Variants in NRG1 observed in about 807,000 individuals in gnomAD.
The protein encoded by NRG1 is pro-neuregulin-1, membrane-bound isoform.
In NRG1, 18 loss-of-function variants were observed where a neutral mutation model predicts 63.8. The observed-to-expected ratio is 0.28, with a 90% CI of 0.19 to 0.42. The LOEUF (loss-of-function observed/expected upper bound fraction) is 0.42. Ranked by LOEUF, NRG1 falls within the 10% of genes least tolerant of loss-of-function variation. The pLI, the probability that NRG1 is intolerant of heterozygous loss-of-function variation, is 1.00. For synonymous variants in NRG1, 302 were observed against 301.3 expected (o/e 1.00, Z -0.02); for missense variants, 762 against 814.7 (o/e 0.94, Z 0.79).
chr8:32,044,394 C>A (rs1307325326), intron 1 of NRG1, among the ~76,000 whole-genome samples: 1 of 151,734 alleles, frequency 6.6e-6, no homozygotes, highest in Non-Finnish European at 1.5e-5. Context: ...ATTGACAGAA[C>A]TAGTAAACAG....
intron 1 of NRG1, among the ~76,000 whole-genome samples, chr8:32,089,109 G>C (rs1324213998): frequency 6.6e-6 from 1 of 152,138 alleles, no homozygotes. Context: ...CATGTGCATG[G>C]ATCCCTGGTG....
intron 1 of NRG1, among the ~76,000 whole-genome samples, chr8:32,108,767 C>T (rs149090378): frequency 3.6e-4 from 54 of 151,950 alleles, no homozygotes; most frequent in Admixed American, 2.1e-3. Flanking sequence ...TCAATAGCCA[C>T]GGAAGGGGAC....
intron 1 of NRG1, among the ~76,000 whole-genome samples, chr8:31,995,831 CCT>C (rs1004335162): frequency 2.0e-5 from 3 of 151,838 alleles, no homozygotes; most frequent in Admixed American, 2.0e-4. Flanking sequence ...CCAAATTCAC[CCT>C]GTCTTTTCAT....
At chr8:31,756,970 A>G (rs1310315825) in intron 1 of NRG1, among the ~76,000 whole-genome samples, 2 of 152,184 alleles carry the variant, frequency 1.3e-5, no homozygotes, top group Non-Finnish European at 2.9e-5. Flanking sequence ...CGTTGAAGAC[A>G]AGGGGCCAGA....
At chr8:32,479,301 C>A (rs993124831) in intron 1 of NRG1, among the ~76,000 whole-genome samples, 5 of 151,904 alleles carry the variant, frequency 3.3e-5, no homozygotes, top group African/African-American at 1.2e-4. Context: ...CATGGTGAAA[C>A]CCCATCTCTA....
chr8:31,845,226 G>A (rs553876469), intron 1 of NRG1, among the ~76,000 whole-genome samples: 1 of 152,174 alleles, frequency 6.6e-6, no homozygotes, highest in East Asian at 1.9e-4. Flanking sequence ...TTTATGGTTA[G>A]ATACACATAT....
chr8:32,489,695 C>A (rs1183135145), intron 1 of NRG1, among the ~76,000 whole-genome samples: 1 of 152,178 alleles, frequency 6.6e-6, no homozygotes, highest in Non-Finnish European at 1.5e-5. Flanking sequence ...CATAATGGCT[C>A]TCCAAATGTC....
intron 1 of NRG1, among the ~76,000 whole-genome samples, chr8:31,798,260 C>T (rs553380405): frequency 1.3e-5 from 2 of 152,148 alleles, no homozygotes; most frequent in South Asian, 2.1e-4. Context: ...GTGATAGATA[C>T]GGTGATTACC....
At chr8:32,495,498 T>C (rs1182116278) in intron 1 of NRG1, among the ~76,000 whole-genome samples, 1 of 152,226 alleles carries the variant, frequency 6.6e-6, no homozygotes, top group Non-Finnish European at 1.5e-5. Context: ...GTTTCACTCT[T>C]GTTGCCCAGG....
intron 1 of NRG1, among the ~76,000 whole-genome samples, chr8:32,322,960 T>TAA (rs1801589446): frequency 6.6e-6 from 1 of 150,632 alleles, no homozygotes; most frequent in African/African-American, 2.4e-5. Context: ...TAAGCAGGAG[T>TAA]AAACACCTGG....
chr8:32,064,377 G>C (rs1296597663), intron 1 of NRG1, among the ~76,000 whole-genome samples: 1 of 152,056 alleles, frequency 6.6e-6, no homozygotes, highest in Non-Finnish European at 1.5e-5. Flanking sequence ...GTTTCATTTG[G>C]CTGTCAAAAC....
At chr8:31,978,974 A>T (rs897354939) in intron 1 of NRG1, among the ~76,000 whole-genome samples, 1 of 152,172 alleles carries the variant, frequency 6.6e-6, no homozygotes, top group Non-Finnish European at 1.5e-5. Context: ...CTTTAAAAAC[A>T]ATAAAACTTT....
intron 1 of NRG1, among the ~76,000 whole-genome samples, chr8:31,707,649 T>A (rs1811279988): frequency 1.3e-5 from 2 of 152,270 alleles, no homozygotes; most frequent in East Asian, 3.9e-4. Flanking sequence ...TCCCTTTGTT[T>A]CCTCTAATGG....
chr8:31,863,973 C>T (rs1028720657), intron 1 of NRG1, among the ~76,000 whole-genome samples: 9 of 152,080 alleles, frequency 5.9e-5, no homozygotes, highest in African/African-American at 2.2e-4. Flanking sequence ...GTTGTATTTC[C>T]AATTTTCAAC....
At chr8:31,822,748 T>G (rs1824123773) in intron 1 of NRG1, among the ~76,000 whole-genome samples, 1 of 152,326 alleles carries the variant, frequency 6.6e-6, no homozygotes, top group Admixed American at 6.5e-5. Flanking sequence ...TACAGTTTGG[T>G]TTTATATGCA....
intron 1 of NRG1, among the ~76,000 whole-genome samples, chr8:31,971,692 GA>G (rs953551382): frequency 1.3e-5 from 2 of 151,556 alleles, no homozygotes; most frequent in African/African-American, 4.9e-5. Flanking sequence ...GAAAGAAAAA[GA>G]AAAAAACTGA....
At chr8:32,357,400 G>A (rs1412101289) in intron 1 of NRG1, among the ~76,000 whole-genome samples, 4 of 152,176 alleles carry the variant, frequency 2.6e-5, no homozygotes, top group African/African-American at 9.7e-5. Flanking sequence ...CAAAGTTTTA[G>A]AACAGTAGTA....
At chr8:31,769,823 G>A (rs765575195) in intron 1 of NRG1, among the ~76,000 whole-genome samples, 1 of 152,094 alleles carries the variant, frequency 6.6e-6, no homozygotes, top group Non-Finnish European at 1.5e-5. Context: ...AATAGACAAA[G>A]GACAACTTCA....
intron 1 of NRG1, among the ~76,000 whole-genome samples, chr8:31,899,866 T>C (rs1831929184): frequency 6.6e-6 from 1 of 152,174 alleles, no homozygotes; most frequent in East Asian, 1.9e-4. Flanking sequence ...AATAAGAAGA[T>C]AATAAGACGA....
Sources: gnomAD v4.1 joint callset for allele counts (sites outside exome capture counted in the v4.1 genomes callset) on GRCh38, gnomAD v4.1.1 for gene constraint, MANE v1.5 for transcripts, NCBI Gene and HGNC (gene_info 2026-07-23, HGNC 2026-07-21) for gene names.